Variants in SLC13A5 observed in about 807,000 individuals in gnomAD.
SLC13A5 encodes solute carrier family 13 member 5.
SLC13A5 carries 25 observed loss-of-function variants against 56.5 expected under a neutral mutation model. That is an observed-to-expected ratio of 0.44 (90% CI 0.32 to 0.62). The LOEUF is 0.62. Ranked by LOEUF, SLC13A5 falls within the 20% of genes least tolerant of loss-of-function variation. The pLI is 0.04. For synonymous variants in SLC13A5, 307 were observed against 301.5 expected (o/e 1.02, Z -0.19); for missense variants, 649 against 737.8 (o/e 0.88, Z 1.39).
rs1290823193 is a variant in SLC13A5 at position 6,685,286 on chromosome 17, GC to G, written c.*920del. The stretch of plus-strand genomic sequence containing the variant: ...GGGAGGGCCTAGATAGCCCACTGTG[GC>G]CCCCAGAGCGCCATCACTGCCCATA... On this transcript the variant is annotated 3_prime_UTR_variant, in exon 12 of 12. Coordinates refer to ENST00000433363, the MANE Select transcript of SLC13A5 (RefSeq NM_177550.5). The surrounding 1 kb of genome is among the most constrained non-coding windows in gnomAD (Gnocchi z 4.2). The G allele has an allele frequency of 6.6e-6, 1 of 152,206 alleles. No homozygotes were observed. Among genetic ancestry groups the G allele is most frequent in the East Asian group, 1.9e-4 (1 of 5,192 alleles). 9.4% of individuals were successfully genotyped at this position (152,206 alleles called of 1,614,324 possible).
chr17:6,705,407 G>C (rs1182188906), intron 3 of SLC13A5: 1 of 152,140 alleles, frequency 6.6e-6, no homozygotes, highest in Non-Finnish European at 1.5e-5. Flanking sequence ...AAGCTCTCCA[G>C]CATGCTGCAG....
chr17:6,693,002 C>A, intron 9 of SLC13A5, 42 bp downstream of exon 9: 1 of 1,494,290 alleles, frequency 6.7e-7, no homozygotes, highest in Non-Finnish European at 9.3e-7. Flanking sequence ...ACCCTCTTGA[C>A]GAAGAAGAGG....
Position 6,695,815 on chromosome 17 carries a change from G to A in SLC13A5, c.966C>T (p.Cys322=). The A allele has an allele frequency of 1.9e-6, 3 of 1,614,210 alleles. No homozygotes were observed. Among genetic ancestry groups the A allele is most frequent in the Non-Finnish European group, 2.5e-6 (3 of 1,180,046 alleles). The change falls in exon 7 of 12, where the codon TGC becomes TGT. Residue 322 remains cysteine (C), a synonymous_variant. Transcript: ENST00000433363. ...LSFAEINVLI[C]FFLLVILWFS... is the part of the protein sequence containing the mutation. ...ACCACAGGATGACCAGCAGGAAGAA[G>A]CAGATCAGCACGTTGATCTCCGCGA...
Position 6,703,873 on chromosome 17 carries a change from C to A in SLC13A5, c.547+5G>T. ...GGCCTGGCAGTGCCCTGGCCAGGGGCTCACCTGGCAGCTCCTTGGCCTTGC... is the reference window on the plus strand; with the variant it reads ...GGCCTGGCAGTGCCCTGGCCAGGGGATCACCTGGCAGCTCCTTGGCCTTGC... On this transcript the variant is annotated splice_donor_5th_base_variant and intron_variant, in intron 4 of 11. Transcript: ENST00000433363. 6.5e-7 allele frequency: 1 copy of A among 1,533,194 alleles called. No homozygotes were observed. Among genetic ancestry groups the A allele is most frequent in the South Asian group, 1.2e-5 (1 of 80,748 alleles). The allele number at this position is 1,533,194 out of a possible 1,614,324, so 95.0% of individuals were successfully genotyped here.
chr17:6,712,219 C>T (rs1028561028), intron 1 of SLC13A5, among the ~76,000 whole-genome samples: 1 of 152,196 alleles, frequency 6.6e-6, no homozygotes, highest in Non-Finnish European at 1.5e-5. Context: ...AGCTCCCCCC[C>T]AGAGCATCCC....
At chr17:6,702,944 C>T in intron 5 of SLC13A5, 26 bp downstream of exon 5, 2 of 1,610,714 alleles carry the variant, frequency 1.2e-6, no homozygotes, top group East Asian at 2.2e-5. Context: ...CTTCGTTGTC[C>T]CCAGAAGGTG....
chr17:6,693,409 C>G (rs1386499961), intron 8 of SLC13A5: 6 of 353,734 alleles, frequency 1.7e-5, no homozygotes, highest in African/African-American at 1.3e-4. Context: ...TTGGTATGAC[C>G]TTTTTGAAAA....
chr17:6,694,319 G>A (rs1252435007), intron 7 of SLC13A5, 122 bp from the exon 8 acceptor site: 1 of 613,312 alleles, frequency 1.6e-6, no homozygotes, highest in East Asian at 3.0e-5. Context: ...AGCCTTAAAA[G>A]TCAAGGTCAA....
rs751163812 is a variant in SLC13A5 at position 6,707,016 on chromosome 17, G to A, written c.231+12C>T. Reference sequence around the variant, plus strand: ...AACCAGAAAGTCACCAGGATCCCTTGGGTCTGCTCACCTGCCTGGAGTCCA... The same window carrying A: ...AACCAGAAAGTCACCAGGATCCCTTAGGTCTGCTCACCTGCCTGGAGTCCA... On this transcript the variant is annotated intron_variant, in intron 2 of 11. Transcript: ENST00000433363. The A allele has an allele frequency of 1.2e-6, 2 of 1,613,672 alleles. No individual in the cohort carries two copies. The highest frequency in any genetic ancestry group is 1.7e-6 in the Non-Finnish European group (2 of 1,179,972).
intron 6 of SLC13A5, among the ~76,000 whole-genome samples, chr17:6,697,061 T>A (rs1446535583): frequency 6.6e-6 from 1 of 151,980 alleles, no homozygotes; most frequent in Non-Finnish European, 1.5e-5. Flanking sequence ...GGCTAGGATC[T>A]CCCTGCTGGG....
rs1445585061 is a variant in SLC13A5 at position 6,695,905 on chromosome 17, C to T, written c.876G>A (p.Lys292=). The change falls in exon 7 of 12, where the codon AAG becomes AAA. Residue 292 remains lysine (K), a synonymous_variant. Transcript: ENST00000433363. Reference sequence around the variant, plus strand: ...CCTTGAGGGCAGCCTTCTCGTTTTTCTTGCTCTCTAGCCCGCAGCCCCAGG... The same window carrying T: ...CCTTGAGGGCAGCCTTCTCGTTTTTTTTGCTCTCTAGCCCGCAGCCCCAGG... ...KKSWGCGLES[K]KNEKAALKVL... The T allele has an allele frequency of 1.2e-6, 2 of 1,614,110 alleles. No individual in the cohort carries two copies. Among genetic ancestry groups the T allele is most frequent in the Non-Finnish European group, 1.7e-6 (2 of 1,180,042 alleles).
chr17:6,703,218 C>A, intron 4 of SLC13A5, 80 bp from the exon 5 acceptor site: 1 of 1,549,036 alleles, frequency 6.5e-7, no homozygotes, highest in Non-Finnish European at 8.8e-7. Flanking sequence ...CTGCTGCTGA[C>A]CTGAGGATTG....
rs112165618 is a variant in SLC13A5 at position 6,706,810 on chromosome 17, T to C, written c.232-32A>G. 3.1e-6 allele frequency: 5 copies of C among 1,611,994 alleles called. No homozygotes were observed. In the African/African-American group the frequency reaches 6.7e-5, roughly 21 times the overall value. On this transcript the variant is annotated intron_variant, in intron 2 of 11. Transcript: ENST00000433363. ...CGTGGCACGAAGGCCTCATCAGGACTGTCCCTTGCCACACACTAGAGCCAC... is the reference window on the plus strand; with the variant it reads ...CGTGGCACGAAGGCCTCATCAGGACCGTCCCTTGCCACACACTAGAGCCAC...
chr17:6,694,297 A>T, intron 7 of SLC13A5, 100 bp from the exon 8 acceptor site: 1 of 688,652 alleles, frequency 1.5e-6, no homozygotes, highest in South Asian at 1.8e-5. Context: ...CTATGCAAAG[A>T]AACAGGCTCA....
rs537080976 is a variant in SLC13A5, at chr17:6,711,535, G to C, written c.102+1697C>G. 8.7e-5 allele frequency among the ~76,000 whole-genome samples: 13 copies of C among 149,850 alleles called. No individual in the cohort carries two copies. The South Asian group carries it at 1.5e-3, about 17-fold the overall frequency. On this transcript the variant is annotated intron_variant, in intron 1 of 11. Transcript: ENST00000433363. The surrounding 1 kb of genome is among the most constrained non-coding windows in gnomAD (Gnocchi z 4.0). ...GTGTATGTGTGTGTTTGTGTTTTTT[G>C]TGTGTTTTGTGTGTGTGTTTGTGTG...
chr17:6,696,710 G>A (rs989213213), intron 6 of SLC13A5, among the ~76,000 whole-genome samples: 2 of 152,164 alleles, frequency 1.3e-5, no homozygotes, highest in African/African-American at 4.8e-5. Flanking sequence ...AAGGCCTCAA[G>A]GTATGCTGAA....
rs540649425 is a variant in SLC13A5, at chr17:6,686,391, C to G, written c.1576-53G>C. On this transcript the variant is annotated intron_variant, in intron 11 of 11. Transcript: ENST00000433363. ...GAGGCCTGCTGGGGACTAGTGCTCT[C>G]AGAGAGGAGGACAAAGGGTCGGCTC... 3 of 1,610,378 alleles carry G rather than the reference C, an allele frequency of 1.9e-6. No homozygotes were observed. In the African/African-American group the frequency reaches 4.0e-5, roughly 21 times the overall value.
At position 6,701,807 on chromosome 17, in the gene SLC13A5, G is replaced by C. The variant is rs218673; in HGVS notation, c.717-681C>G. On this transcript the variant is annotated intron_variant, in intron 5 of 11. Coordinates refer to ENST00000433363, the MANE Select transcript of SLC13A5 (RefSeq NM_177550.5). The surrounding 1 kb of genome is among the most constrained non-coding windows in gnomAD (Gnocchi z 4.1). ...GAGACCTCAGCAATCTCGCTCTGTG[G>C]GTTTCTGCAAAGAACGGTCCCCCCA... Among the ~76,000 whole-genome samples the C allele has an allele frequency of 0.39, 58,693 of 152,126 alleles. 12,710 individuals carry two copies. Among genetic ancestry groups the C allele is most frequent in the African/African-American group, 0.58 (24,098 of 41,500 alleles).
intron 6 of SLC13A5, among the ~76,000 whole-genome samples, chr17:6,698,589 A>C (rs1973621586): frequency 6.6e-6 from 1 of 152,200 alleles, no homozygotes; most frequent in Non-Finnish European, 1.5e-5. Context: ...GTGGGAGCCA[A>C]AGGGCCTGGG....
Sources: gnomAD v4.1 joint callset for allele counts (sites outside exome capture counted in the v4.1 genomes callset) on GRCh38, gnomAD v4.1.1 for gene constraint, Gnocchi (gnomAD v3.1) non-coding constraint, MANE v1.5 for transcripts, NCBI Gene and HGNC (gene_info 2026-07-23, HGNC 2026-07-21) for gene names.